Variants in EPM2A observed in about 807,000 individuals in gnomAD.
EPM2A encodes the protein laforin.
EPM2A carries 21 observed loss-of-function variants against 26.5 expected under a neutral mutation model. The observed-to-expected ratio is 0.79, with a 90% CI of 0.56 to 1.14. The LOEUF is 1.14. EPM2A is among the 50% of genes most tolerant of loss of function. The pLI is 0.00. For synonymous variants in EPM2A, 217 were observed against 177.6 expected, an observed-to-expected ratio of 1.22 and a Z score of -1.76; for missense variants, 458 against 440.8, an observed-to-expected ratio of 1.04 and a Z score of -0.35.
At chr6:145,577,588 A>C (rs572881643) in intron 2 of EPM2A, among the ~76,000 whole-genome samples, 2 of 146,092 alleles carry the variant, frequency 1.4e-5, no homozygotes, top group African/African-American at 5.4e-5. Flanking sequence ...ACCCCCCCCC[A>C]ATACAATAAT....
chr6:145,394,187 C>T (rs1437087049), intron 4 of EPM2A, among the ~76,000 whole-genome samples: 2 of 152,220 alleles, frequency 1.3e-5, no homozygotes, highest in African/African-American at 2.4e-5. Flanking sequence ...TGCTCCTCTC[C>T]GTATGATGGA....
intron 4 of EPM2A, among the ~76,000 whole-genome samples, chr6:145,436,055 T>C (rs149708709): frequency 6.6e-6 from 1 of 152,204 alleles, no homozygotes; most frequent in Admixed American, 6.5e-5. Context: ...AAATATGGTA[T>C]AGAATAGTTT....
chr6:145,536,272 TTTTTG>T (rs202222642), intron 2 of EPM2A, among the ~76,000 whole-genome samples: 53,067 of 133,204 alleles, frequency 0.4, 9,780 homozygotes, highest in South Asian at 0.54. Context: ...TTTGTTTTTG[TTTTTG>T]TTTTGGTTTT....
chr6:145,608,432 T>C (rs533932783), intron 2 of EPM2A, among the ~76,000 whole-genome samples: 1 of 152,218 alleles, frequency 6.6e-6, no homozygotes, highest in African/African-American at 2.4e-5. Context: ...TTAATGTTAT[T>C]TTGTGGAATG....
intron 4 of EPM2A, among the ~76,000 whole-genome samples, chr6:145,458,886 C>T (rs1779295347): frequency 6.6e-6 from 1 of 151,932 alleles, no homozygotes; most frequent in African/African-American, 2.4e-5. Flanking sequence ...TTGGAGAGAA[C>T]TCAAGGAACT....
chr6:145,489,669 T>C, intron 4 of EPM2A: 5 of 1,350,742 alleles, frequency 3.7e-6, no homozygotes, highest in Non-Finnish European at 5.3e-6. Context: ...CCTCATTCTC[T>C]GCCTTTTCAG....
intron 4 of EPM2A, among the ~76,000 whole-genome samples, chr6:145,389,730 G>A (rs549568087): frequency 1.1e-4 from 16 of 152,136 alleles, no homozygotes; most frequent in African/African-American, 3.9e-4. Context: ...AGCAGTGAAG[G>A]TCTCCTACCT....
At chr6:145,539,382 G>A (rs563215473) in intron 2 of EPM2A, among the ~76,000 whole-genome samples, 5 of 152,296 alleles carry the variant, frequency 3.3e-5, no homozygotes, top group African/African-American at 7.2e-5. Flanking sequence ...TCATTGTACA[G>A]AGAAGAGATC....
chr6:145,481,151 C>T (rs559322895), intron 4 of EPM2A, among the ~76,000 whole-genome samples: 74 of 152,204 alleles, frequency 4.9e-4, no homozygotes, highest in African/African-American at 1.6e-3. Context: ...AAAACAACTG[C>T]CCTCAGGGCA....
chr6:145,615,040 G>T (rs1004009824), intron 2 of EPM2A, among the ~76,000 whole-genome samples: 3 of 152,200 alleles, frequency 2.0e-5, no homozygotes, highest in Middle Eastern at 3.4e-3. Context: ...TCTTTCATAG[G>T]GTTATTATTT....
intron 1 of EPM2A, among the ~76,000 whole-genome samples, chr6:145,725,886 C>G (rs775940687): frequency 6.6e-6 from 1 of 152,108 alleles, no homozygotes; most frequent in Non-Finnish European, 1.5e-5. Flanking sequence ...CTTTATATTA[C>G]AAAGAATATA....
At chr6:145,385,452 A>G (rs980810576) in intron 4 of EPM2A, among the ~76,000 whole-genome samples, 1 of 152,168 alleles carries the variant, frequency 6.6e-6, no homozygotes. Flanking sequence ...TATTCTGATG[A>G]TATAAATTAA....
At chr6:145,631,662 CA>C in intron 3 of EPM2A, 1 of 152,332 alleles carries the variant, frequency 6.6e-6, no homozygotes, top group Non-Finnish European at 1.5e-5. Flanking sequence ...CTGGACCAAC[CA>C]AAAGCTTCCT....
intron 2 of EPM2A, among the ~76,000 whole-genome samples, chr6:145,586,342 G>A (rs976489179): frequency 7.9e-5 from 12 of 151,216 alleles, no homozygotes; most frequent in African/African-American, 2.4e-4. Context: ...AGAATTTAAC[G>A]TCTTTTTTTT....
intron 2 of EPM2A, among the ~76,000 whole-genome samples, chr6:145,581,174 T>C (rs1396540563): frequency 6.6e-6 from 1 of 152,202 alleles, no homozygotes; most frequent in Non-Finnish European, 1.5e-5. Flanking sequence ...TGTTATTTTT[T>C]GACTTTTTAG....
intron 1 of EPM2A, among the ~76,000 whole-genome samples, chr6:145,703,293 G>A (rs1243695855): frequency 4.0e-5 from 6 of 151,802 alleles, no homozygotes; most frequent in Non-Finnish European, 5.9e-5. Flanking sequence ...GGGTTTTGCC[G>A]TGTTAGCCAG....
At chr6:145,385,765 A>G (rs1035547898) in intron 4 of EPM2A, among the ~76,000 whole-genome samples, 17 of 152,096 alleles carry the variant, frequency 1.1e-4, no homozygotes, top group Admixed American at 2.0e-4. Flanking sequence ...ACAAATGACC[A>G]TTTATTTAAT....
chr6:145,624,023 G>A (rs1403210824), downstream of EPM2A, among the ~76,000 whole-genome samples: 1 of 152,146 alleles, frequency 6.6e-6, no homozygotes, highest in Non-Finnish European at 1.5e-5. Context: ...TGTTATGGTT[G>A]TTCTTCCTCT....
chr6:145,464,510 T>C (rs1779362888), intron 4 of EPM2A, among the ~76,000 whole-genome samples: 1 of 152,068 alleles, frequency 6.6e-6, no homozygotes. Flanking sequence ...GGGAAAAAAA[T>C]GTATCATTTT....
Sources: allele counts gnomAD v4.1 joint callset (sites outside exome capture counted in the v4.1 genomes callset), GRCh38; gene constraint gnomAD v4.1.1; transcripts MANE v1.5; gene names NCBI Gene and HGNC (gene_info 2026-07-23, HGNC 2026-07-21).